Variants in IQCE observed in about 807,000 individuals in gnomAD.
The protein encoded by IQCE is IQ motif containing E, also known as IQ domain-containing protein E.
In IQCE, 115 loss-of-function variants were observed where a neutral mutation model predicts 96.0. That is an observed-to-expected ratio of 1.20 (90% CI 1.03 to 1.40). The LOEUF (loss-of-function observed/expected upper bound fraction) is 1.40, where lower values mean the gene tolerates loss of function less well. Ranked by LOEUF, IQCE falls within the 40% of genes most tolerant of loss-of-function variation. IQCE has a pLI of 0.00. For synonymous variants in IQCE, 412 were observed against 371.2 expected (o/e 1.11, Z -1.26); for missense variants, 1,041 against 909.1 (o/e 1.15, Z -1.87).
At chr7:2,600,473 TGTG>T (rs1784359517) in intron 17 of IQCE, among the ~76,000 whole-genome samples, 1 of 152,202 alleles carries the variant, frequency 6.6e-6, no homozygotes, top group Admixed American at 6.5e-5. Context: ...CCTTTCCCCT[TGTG>T]GTCTTAGTGT....
intron 11 of IQCE, 22 bp from the exon 12 acceptor site, chr7:2,586,186 G>A (rs1319324314): frequency 1.2e-6 from 2 of 1,606,928 alleles, no homozygotes; most frequent in Non-Finnish European, 1.7e-6. Flanking sequence ...GCAAACCTCA[G>A]TCCACGATTT....
chr7:2,569,003 A>G lies in IQCE; in HGVS notation c.130+4A>G, dbSNP rs369630946. ...AAACCTCCACCCACATCGCCAAGTAAGTATGACGAGGCCTGCCTTCCCTCT... is the reference window on the plus strand; with the variant it reads ...AAACCTCCACCCACATCGCCAAGTAGGTATGACGAGGCCTGCCTTCCCTCT... On this transcript the variant is annotated splice_donor_region_variant and intron_variant, in intron 3 of 21. Transcript: ENST00000402050. 5 of 1,613,854 alleles carry G rather than the reference A, an allele frequency of 3.1e-6. No homozygotes were observed. The South Asian group carries it at 4.4e-5, about 14-fold the overall frequency.
intron 21 of IQCE, 99 bp downstream of exon 21, chr7:2,607,326 C>T (rs762672974): frequency 6.5e-6 from 10 of 1,534,562 alleles, no homozygotes; most frequent in African/African-American, 5.5e-5. Context: ...TGTGTCGGGA[C>T]GGAAGGGAGG....
intron 14 of IQCE, among the ~76,000 whole-genome samples, chr7:2,591,616 A>ATTTT (rs766125885): frequency 3.4e-5 from 4 of 118,666 alleles, no homozygotes; most frequent in African/African-American, 6.4e-5. Flanking sequence ...TCTGCGGGTG[A>ATTTT]TTTTTTTTTT....
intron 2 of IQCE, among the ~76,000 whole-genome samples, chr7:2,568,415 C>T (rs900201883): frequency 7.9e-5 from 12 of 152,154 alleles, no homozygotes; most frequent in Admixed American, 2.6e-4. Flanking sequence ...ACACTCACCC[C>T]GTAGTAAGCA....
chr7:2,592,959 TC>T, intron 14 of IQCE, 62 bp from the exon 15 acceptor site: 1 of 1,527,284 alleles, frequency 6.5e-7, no homozygotes, highest in Admixed American at 1.8e-5. Flanking sequence ...TGAAGTGCCT[TC>T]CTGCTCTGAC....
chr7:2,569,073 G>C, intron 3 of IQCE, 74 bp downstream of exon 3: 1 of 1,457,604 alleles, frequency 6.9e-7, no homozygotes. Context: ...AAGGGTATTT[G>C]CTTTGTACAT....
intron 8 of IQCE, 48 bp from the exon 9 acceptor site, chr7:2,582,532 T>C (rs1270822973): frequency 7.8e-6 from 12 of 1,544,208 alleles, no homozygotes; most frequent in Non-Finnish European, 1.1e-5. Context: ...CCGCTTCTAC[T>C]GAGGGAGAGA....
chr7:2,610,171 C>G lies in IQCE; in HGVS notation c.*9C>G, dbSNP rs775856137. 3 of 1,471,394 alleles carry G rather than the reference C, an allele frequency of 2.0e-6. No homozygotes were observed. Among genetic ancestry groups the G allele is most frequent in the Middle Eastern group, 1.7e-4 (1 of 5,832 alleles). The allele number at this position is 1,471,394 out of a possible 1,614,324, so 91.1% of individuals were successfully genotyped here. A position where few individuals can be genotyped will look rare whatever the true frequency, so the allele number is the denominator to read the frequency against. Reference sequence around the variant, plus strand: ...AGAACTTTCCAGTTTAGGTCCCCGTCACTGTCTCCACGCCGTGATGGCAGC... The same window carrying G: ...AGAACTTTCCAGTTTAGGTCCCCGTGACTGTCTCCACGCCGTGATGGCAGC... On this transcript the variant is annotated 3_prime_UTR_variant, in exon 22 of 22. Transcript: ENST00000402050.
intron 16 of IQCE, among the ~76,000 whole-genome samples, chr7:2,595,807 C>T (rs1247296929): frequency 6.7e-6 from 1 of 149,884 alleles, no homozygotes; most frequent in African/African-American, 2.5e-5. Flanking sequence ...AGGGTCGCAG[C>T]CATGCTCTGC....
chr7:2,604,117 TAG>T (rs1784625736), intron 18 of IQCE, among the ~76,000 whole-genome samples: 1 of 133,124 alleles, frequency 7.5e-6, no homozygotes. Flanking sequence ...GCCTCCTGAG[TAG>T]CTGGGACTAC....
chr7:2,572,528 C>T lies in IQCE; in HGVS notation c.394+202C>T, dbSNP rs149066276. 7.7e-3 allele frequency among the ~76,000 whole-genome samples: 1,178 copies of T among 152,322 alleles called. 14 individuals carry two copies. Among genetic ancestry groups the T allele is most frequent in the African/African-American group, 0.027 (1,119 of 41,558 alleles). On this transcript the variant is annotated intron_variant, in intron 5 of 21. Transcript: ENST00000402050. ...CCCGCCTGCCCCAGAAGGTAGCTTT[C>T]CTCGTGGGTGCAGGGATATCTCGCC...
At chr7:2,585,047 C>A (rs570968488) in intron 11 of IQCE, among the ~76,000 whole-genome samples, 4 of 106,118 alleles carry the variant, frequency 3.8e-5, no homozygotes, top group Non-Finnish European at 8.2e-5. Context: ...CTGCTCATAA[C>A]ATTTTTTTTT....
At position 2,587,883 on chromosome 7, in the gene IQCE, C is replaced by T. The variant is rs760313893; in HGVS notation, c.1044+6C>T. ...GCATTGTGGAGCTGGAGAAGGTGAG[C>T]GGGCGTCTCAGTGCCACTGTCGTTG... On this transcript the variant is annotated splice_donor_region_variant and intron_variant, in intron 13 of 21. Transcript: ENST00000402050. The T allele has an allele frequency of 4.8e-5, 77 of 1,613,546 alleles. No homozygotes were observed. The highest frequency in any genetic ancestry group is 6.2e-5 in the Non-Finnish European group (73 of 1,179,686).
At chr7:2,567,704 CG>C (rs893706801) in intron 2 of IQCE, among the ~76,000 whole-genome samples, 3 of 152,082 alleles carry the variant, frequency 2.0e-5, no homozygotes, top group Admixed American at 6.5e-5. Context: ...CGTGTATGAG[CG>C]AAAAAAGCTT....
intron 16 of IQCE, chr7:2,596,825 T>G: frequency 2.6e-6 from 1 of 385,666 alleles, no homozygotes; most frequent in Non-Finnish European, 5.4e-6. Context: ...AAGATGAGGC[T>G]CTTCTTAGGG....
rs1341322941 is a variant in IQCE at position 2,612,370 on chromosome 7, C to T, written c.*2208C>T. 1 of 152,294 alleles carries T rather than the reference C, an allele frequency of 6.6e-6. No individual in the cohort carries two copies. Among genetic ancestry groups the T allele is most frequent in the African/African-American group, 2.4e-5 (1 of 41,368 alleles). The allele number at this position is 152,294 out of a possible 1,614,324, so 9.4% of individuals were successfully genotyped here. Reference sequence around the variant, plus strand: ...GTCCCCTTTGCTGGGTACAGCCTGCCTGGCTGTTCTGTGGTCCTGGAACGC... The same window carrying T: ...GTCCCCTTTGCTGGGTACAGCCTGCTTGGCTGTTCTGTGGTCCTGGAACGC... On this transcript the variant is annotated 3_prime_UTR_variant, in exon 22 of 22. Transcript: ENST00000402050.
chr7:2,582,614 TG>T lies in IQCE; in HGVS notation c.667del (p.Glu223AsnfsTer18), dbSNP rs775960920. 19 of 1,613,916 alleles carry T rather than the reference TG, an allele frequency of 1.2e-5. No homozygotes were observed. Among genetic ancestry groups the T allele is most frequent in the Non-Finnish European group, 1.5e-5 (18 of 1,179,988 alleles). On this transcript the variant is annotated frameshift_variant, in exon 9 of 22. Transcript: ENST00000402050. LOFTEE classifies it high-confidence loss of function. ...INGLKQRILKLEQQCKEKDGT... is the reference protein window; with the variant it reads ...INGLKQRILKXEQQCKEKDGT... ...GGGCTGAAGCAGAGGATCCTGAAGC[TG>T]GAACAGCAGTGCAAGGAGAAGGACG...
At chr7:2,559,345 T>G in intron 1 of IQCE, 128 bp downstream of exon 1, 1 of 414,816 alleles carries the variant, frequency 2.4e-6, no homozygotes, top group Non-Finnish European at 3.8e-6. Flanking sequence ...CACGGCCGGG[T>G]GACAGCTGCC....
Sources: gnomAD v4.1 joint callset for allele counts (sites outside exome capture counted in the v4.1 genomes callset) on GRCh38, gnomAD v4.1.1 for gene constraint, MANE v1.5 for transcripts, NCBI Gene and HGNC (gene_info 2026-07-23, HGNC 2026-07-21) for gene names.